MMUT: variants seen among roughly 807,000 people sequenced by gnomAD.
MMUT encodes the protein methylmalonyl-CoA mutase.
A neutral mutation model predicts 79.9 loss-of-function variants in MMUT; 79 were observed. That is an observed-to-expected ratio of 0.99 (90% CI 0.82 to 1.19). The LOEUF (loss-of-function observed/expected upper bound fraction) is 1.19, where lower values mean the gene tolerates loss of function less well. MMUT is among the 50% of genes most tolerant of loss of function. MMUT has a pLI of 0.00. For missense variants in MMUT, 860 were observed against 917.2 expected (o/e 0.94, Z 0.81); for synonymous variants, 273 against 295.7 (o/e 0.92, Z 0.79).
intron 12 of MMUT, 35 bp from the exon 13 acceptor site, chr6:49,431,891 C>A (rs1561948975): frequency 6.2e-7 from 1 of 1,604,348 alleles, no homozygotes; most frequent in Admixed American, 1.7e-5. Context: ...ATAAGAGCCA[C>A]TATTTCCATT....
At chr6:49,450,470 CA>C (rs1767524669) in intron 6 of MMUT, among the ~76,000 whole-genome samples, 1 of 151,922 alleles carries the variant, frequency 6.6e-6, no homozygotes, top group Admixed American at 6.6e-5. Context: ...CCAAGTTATA[CA>C]TCAATACAAA....
At chr6:49,446,660 T>C (rs985163894) in intron 8 of MMUT, among the ~76,000 whole-genome samples, 1 of 151,824 alleles carries the variant, frequency 6.6e-6, no homozygotes, top group East Asian at 1.9e-4. Context: ...TTTAGTACAG[T>C]ATGGGTACAC....
In MMUT at chr6:49,459,502, T is replaced by C. The variant is rs1280758853; in HGVS notation, c.-36A>G. The C allele has an allele frequency of 1.2e-6, 2 of 1,600,248 alleles. No individual in the cohort carries two copies. The highest frequency in any genetic ancestry group is 1.3e-5 in the African/African-American group (1 of 74,562). On this transcript the variant is annotated 5_prime_UTR_variant, in exon 2 of 13. Transcript: ENST00000274813. Reference sequence around the variant, plus strand: ...GGAAACACCCAATAGAAATAAGAACTGACCTAGAAAAAGAAACATAGAGTA... The same window carrying C: ...GGAAACACCCAATAGAAATAAGAACCGACCTAGAAAAAGAAACATAGAGTA...
intron 9 of MMUT, 124 bp downstream of exon 9, chr6:49,444,515 G>C (rs976080283): frequency 2.1e-5 from 16 of 759,884 alleles, no homozygotes; most frequent in Non-Finnish European, 3.2e-5. Context: ...ATTTACGATG[G>C]ATGCCATTAT....
rs1400022403 is a variant in MMUT at position 49,451,638 on chromosome 6, G to T, written c.1160C>A (p.Thr387Lys). Residue 387 changes from threonine to lysine, a missense_variant, in exon 6 of 13, where the codon ACA (threonine) becomes AAA (lysine). Coordinates refer to ENST00000274813, the MANE Select transcript of MMUT (RefSeq NM_000255.4). ...ACCCAAAGCTTCATCAAAAGAATTTGTGTGCAAAGACTGAGTCCCTCCAAA... is the reference window on the plus strand; with the variant it reads ...ACCCAAAGCTTCATCAAAAGAATTTTTGTGCAAAGACTGAGTCCCTCCAAA... ...AVFGGTQSLH[T>K]NSFDEALGLP... The T allele has an allele frequency of 1.2e-6, 2 of 1,614,096 alleles. No individual in the cohort carries two copies. The highest frequency in any genetic ancestry group is 2.7e-5 in the African/African-American group (2 of 75,048).
rs1297922051 is a variant in MMUT at position 49,448,960 on chromosome 6, G to A, written c.1333-33C>T. 5.0e-6 allele frequency: 7 copies of A among 1,389,872 alleles called. No individual in the cohort carries two copies. In the South Asian group the frequency reaches 7.0e-5, roughly 14 times the overall value. 86.1% of individuals were successfully genotyped at this position (1,389,872 alleles called of 1,614,324 possible). On this transcript the variant is annotated intron_variant, in intron 6 of 12. Coordinates refer to ENST00000274813, the MANE Select transcript of MMUT (RefSeq NM_000255.4). ...GAAAAACATTAACAAAACTAAAAGAGAATATTAAAAATGTGTGTAAACTAT... is the reference window on the plus strand; with the variant it reads ...GAAAAACATTAACAAAACTAAAAGAAAATATTAAAAATGTGTGTAAACTAT...
chr6:49,441,754 G>A (rs1767280848), intron 10 of MMUT, 86 bp downstream of exon 10: 5 of 1,376,844 alleles, frequency 3.6e-6, no homozygotes, highest in Non-Finnish European at 4.9e-6. Context: ...TCAGTTGTAT[G>A]TAAGGAAATT....
Position 49,448,845 on chromosome 6 carries a change from G to A in MMUT, c.1415C>T (p.Ala472Val), listed in dbSNP as rs747589392. Residue 472 changes from alanine to valine, a missense_variant, in exon 7 of 13, where the codon GCT becomes GTT. By Grantham distance (64) the Ala-to-Val change is moderately conservative. Coordinates refer to ENST00000274813, the MANE Select transcript of MMUT (RefSeq NM_000255.4). Reference sequence around the variant, plus strand: ...ATCTATTCTAGCTTGTCTTCGGGCAGCACATTCTTCAATTCGAAGTTTAGG... The same window carrying A: ...ATCTATTCTAGCTTGTCTTCGGGCAACACATTCTTCAATTCGAAGTTTAGG... ...GIPKLRIEEC[A>V]ARRQARIDSG... is the part of the protein sequence containing the mutation. The A allele has an allele frequency of 1.5e-5, 24 of 1,613,252 alleles. No homozygotes were observed. Among genetic ancestry groups the A allele is most frequent in the Admixed American group, 8.3e-5 (5 of 59,964 alleles).
intron 8 of MMUT, 78 bp from the exon 9 acceptor site, chr6:49,444,832 C>T: frequency 9.1e-7 from 1 of 1,099,174 alleles, no homozygotes; most frequent in Non-Finnish European, 1.4e-6. Context: ...GACCCTGATG[C>T]ATAGCATATG....
chr6:49,451,395 A>C (rs1199506892), intron 6 of MMUT, 71 bp downstream of exon 6: 1 of 1,503,362 alleles, frequency 6.7e-7, no homozygotes, highest in African/African-American at 1.4e-5. Context: ...TTGACTTGTA[A>C]GTTTTAAAAT....
intron 4 of MMUT, among the ~76,000 whole-genome samples, chr6:49,454,614 G>C (rs1767641674): frequency 6.6e-6 from 1 of 152,194 alleles, no homozygotes; most frequent in African/African-American, 2.4e-5. Context: ...AGCCTTGAAA[G>C]AAGTTCTTAA....
intron 11 of MMUT, among the ~76,000 whole-genome samples, chr6:49,437,754 T>C (rs1767169051): frequency 6.6e-6 from 1 of 152,020 alleles, no homozygotes; most frequent in Non-Finnish European, 1.5e-5. Context: ...AGGTCTTCGT[T>C]GTTTCTCATT....
chr6:49,448,340 A>G (rs1767462420), intron 7 of MMUT, among the ~76,000 whole-genome samples: 1 of 151,946 alleles, frequency 6.6e-6, no homozygotes, highest in African/African-American at 2.4e-5. Flanking sequence ...ACTTATCATG[A>G]TCTATAATTC....
chr6:49,459,072 A>C lies in MMUT; in HGVS notation c.385+10T>G, dbSNP rs1767766619. 6.2e-7 allele frequency: 1 copy of C among 1,613,052 alleles called. No homozygotes were observed. The highest frequency in any genetic ancestry group is 8.5e-7 in the Non-Finnish European group (1 of 1,179,366). ...TATCATAAATATTATGTCTTACATT[A>C]AAATCTCACCCTTAATGTTGTCCTT... On this transcript the variant is annotated intron_variant, in intron 2 of 12. Transcript: ENST00000274813.
At chr6:49,452,146 A>G (rs1176790642) in intron 5 of MMUT, among the ~76,000 whole-genome samples, 1 of 152,182 alleles carries the variant, frequency 6.6e-6, no homozygotes, top group Non-Finnish European at 1.5e-5. Context: ...ATGAACTGAG[A>G]TATCAGAAAT....
intron 9 of MMUT, 71 bp from the exon 10 acceptor site, chr6:49,442,042 C>G: frequency 6.9e-7 from 1 of 1,450,480 alleles, no homozygotes. Context: ...CCATAATATT[C>G]AATATAATTA....
At chr6:49,434,460 C>A (rs1041869000) in intron 12 of MMUT, among the ~76,000 whole-genome samples, 3 of 152,054 alleles carry the variant, frequency 2.0e-5, no homozygotes, top group Admixed American at 6.6e-5. Flanking sequence ...AACTGTAGAG[C>A]TGGAAACAAG....
intron 1 of MMUT, among the ~76,000 whole-genome samples, chr6:49,460,459 C>A (rs1383207135): frequency 1.3e-5 from 2 of 152,178 alleles, no homozygotes; most frequent in African/African-American, 4.8e-5. Flanking sequence ...ATAAACTGCT[C>A]CAACATTAGA....
intron 10 of MMUT, 125 bp from the exon 11 acceptor site, chr6:49,440,478 A>G (rs943752009): frequency 8.5e-6 from 9 of 1,060,428 alleles, no homozygotes; most frequent in Non-Finnish European, 1.2e-5. Flanking sequence ...GTTTACTTGT[A>G]TTTTGGGTTG....
Sources: gnomAD v4.1 joint callset for allele counts (sites outside exome capture counted in the v4.1 genomes callset) on GRCh38, gnomAD v4.1.1 for gene constraint, MANE v1.5 for transcripts, NCBI Gene and HGNC (gene_info 2026-07-23, HGNC 2026-07-21) for gene names.